Variants in ARHGEF26 observed in about 807,000 individuals in gnomAD.
ARHGEF26 encodes Rho guanine nucleotide exchange factor 26.
In ARHGEF26, 59 loss-of-function variants were observed where a neutral mutation model predicts 89.4. That is an observed-to-expected ratio of 0.66 (90% CI 0.54 to 0.82). ARHGEF26 has a LOEUF of 0.82. ARHGEF26 is among the 40% of genes least tolerant of loss of function. The pLI is 0.00. For synonymous variants in ARHGEF26, 500 were observed against 428.4 expected, an observed-to-expected ratio of 1.17 and a Z score of -2.06; for missense variants, 1,234 against 1,085.6, an observed-to-expected ratio of 1.14 and a Z score of -1.92.
intron 4 of ARHGEF26, among the ~76,000 whole-genome samples, chr3:154,143,917 G>C (rs1213366599): frequency 1.3e-5 from 2 of 152,116 alleles, no homozygotes; most frequent in Non-Finnish European, 2.9e-5. Flanking sequence ...TTGCTCATTT[G>C]GGGGATAGAG....
At chr3:154,253,286 A>G in intron 13 of ARHGEF26, 103 bp downstream of exon 13, 1 of 1,316,608 alleles carries the variant, frequency 7.6e-7, no homozygotes, top group East Asian at 2.4e-5. Flanking sequence ...TACTTGCCTA[A>G]GTTTCCTCCA....
intron 12 of ARHGEF26, among the ~76,000 whole-genome samples, chr3:154,244,841 A>C (rs1345574357): frequency 6.6e-6 from 1 of 152,078 alleles, no homozygotes; most frequent in East Asian, 1.9e-4. Flanking sequence ...ACAGTCTAGC[A>C]GTCTTTCTAG....
intron 12 of ARHGEF26, among the ~76,000 whole-genome samples, chr3:154,250,531 A>T (rs1339873750): frequency 6.6e-6 from 1 of 152,218 alleles, no homozygotes; most frequent in Non-Finnish European, 1.5e-5. Flanking sequence ...GCAGCATGCC[A>T]CAGAAGTGAA....
chr3:154,236,234 CAAGAA>C (rs1717120429), intron 11 of ARHGEF26, among the ~76,000 whole-genome samples: 1 of 152,086 alleles, frequency 6.6e-6, no homozygotes, highest in Non-Finnish European at 1.5e-5. Flanking sequence ...TTGTTAAAAA[CAAGAA>C]AAGAAAGAAA....
rs907098818 is a variant in ARHGEF26, at chr3:154,123,631, A to G, written c.1083+556A>G. On this transcript the variant is annotated intron_variant, in intron 2 of 14. Coordinates refer to ENST00000465093, the MANE Select transcript of ARHGEF26 (RefSeq NM_015595.4). ...ATCAGTTGCCAGGATCACAAAAGAC[A>G]TAAATATTTTGTCATCTTTTTTGTT... is the stretch of plus-strand genomic sequence containing the variant. Among the ~76,000 whole-genome samples, 6 of 152,344 alleles carry G rather than the reference A, an allele frequency of 3.9e-5. No individual in the cohort carries two copies. The East Asian group carries it at 5.8e-4, about 15-fold the overall frequency.
chr3:154,178,901 C>T (rs1713003250), intron 6 of ARHGEF26, among the ~76,000 whole-genome samples: 1 of 152,154 alleles, frequency 6.6e-6, no homozygotes, highest in Admixed American at 6.5e-5. Flanking sequence ...CTTCACCCTG[C>T]TCCCTCCAGG....
At chr3:154,144,140 G>A (rs116061119) in intron 4 of ARHGEF26, among the ~76,000 whole-genome samples, 3,315 of 152,250 alleles carry the variant, frequency 0.022, 100 homozygotes, top group African/African-American at 0.076. Flanking sequence ...TTCAGGGGGA[G>A]CAACTTAATT....
At chr3:154,148,697 A>G (rs1719831632) in intron 4 of ARHGEF26, among the ~76,000 whole-genome samples, 1 of 152,174 alleles carries the variant, frequency 6.6e-6, no homozygotes, top group Admixed American at 6.5e-5. Flanking sequence ...TCATGCAGGA[A>G]ATCCTGTGAA....
intron 6 of ARHGEF26, among the ~76,000 whole-genome samples, chr3:154,163,317 T>C (rs1243252989): frequency 6.6e-6 from 1 of 152,182 alleles, no homozygotes; most frequent in Non-Finnish European, 1.5e-5. Flanking sequence ...GTGGACTTAC[T>C]GTACTACCAT....
intron 9 of ARHGEF26, among the ~76,000 whole-genome samples, chr3:154,216,485 TTTTTTTATTTTTTTTTATTTTTTA>T (rs1404497401): frequency 2.6e-4 from 7 of 26,832 alleles, no homozygotes; most frequent in African/African-American, 3.7e-4. Context: ...CTTGTTTTTT[TTTTTTTATTTTTTTTTATTTTTTA>T]TTTTTTTTTT....
intron 8 of ARHGEF26, among the ~76,000 whole-genome samples, chr3:154,194,412 G>A (rs186509638): frequency 1.1e-4 from 16 of 152,272 alleles, no homozygotes; most frequent in African/African-American, 3.6e-4. Context: ...TGAAACCAGG[G>A]TTACCCACCT....
In ARHGEF26 at chr3:154,181,288, A is replaced by G. The variant is rs555196078; in HGVS notation, c.1488-6397A>G. 3.3e-5 allele frequency among the ~76,000 whole-genome samples: 5 copies of G among 152,294 alleles called. No homozygotes were observed. The East Asian group carries it at 9.6e-4, about 29-fold the overall frequency. On this transcript the variant is annotated intron_variant, in intron 6 of 14. Coordinates refer to ENST00000465093, the MANE Select transcript of ARHGEF26 (RefSeq NM_015595.4). ...GAATATTTCTTTGTTTAGGGAAGAT[A>G]TTTTATTATATAACAACAACTTAGA...
intron 12 of ARHGEF26, among the ~76,000 whole-genome samples, chr3:154,241,475 G>T (rs1044403900): frequency 2.0e-5 from 3 of 152,144 alleles, no homozygotes; most frequent in Admixed American, 6.5e-5. Flanking sequence ...ATCCCAAAGA[G>T]GTATCTTCAC....
chr3:154,220,761 G>A (rs985324987), intron 10 of ARHGEF26, among the ~76,000 whole-genome samples: 2 of 151,988 alleles, frequency 1.3e-5, no homozygotes, highest in African/African-American at 2.4e-5. Flanking sequence ...ATGGGGAAAG[G>A]CTTTTCCAAC....
At chr3:154,165,818 C>G (rs1711984827) in intron 6 of ARHGEF26, among the ~76,000 whole-genome samples, 1 of 152,274 alleles carries the variant, frequency 6.6e-6, no homozygotes, top group South Asian at 2.1e-4. Flanking sequence ...TTATCACCAG[C>G]TCACACTGGA....
chr3:154,152,725 C>CT, intron 5 of ARHGEF26, 47 bp from the exon 6 acceptor site: 9 of 1,341,928 alleles, frequency 6.7e-6, no homozygotes, highest in Non-Finnish European at 7.8e-6. Flanking sequence ...ATATTTAGTT[C>CT]TTTAATTAAA....
At chr3:154,229,548 A>C (rs1203773645) in intron 11 of ARHGEF26, among the ~76,000 whole-genome samples, 5 of 152,222 alleles carry the variant, frequency 3.3e-5, no homozygotes, top group Non-Finnish European at 7.3e-5. Flanking sequence ...CTGCAAGAGC[A>C]GACTTCTCAA....
intron 10 of ARHGEF26, among the ~76,000 whole-genome samples, chr3:154,220,899 A>G (rs1215026849): frequency 6.6e-6 from 1 of 152,194 alleles, no homozygotes; most frequent in Non-Finnish European, 1.5e-5. Context: ...AACTGGAGAA[A>G]AAAATAGTTG....
intron 6 of ARHGEF26, among the ~76,000 whole-genome samples, chr3:154,179,020 A>T (rs540270059): frequency 6.6e-6 from 1 of 152,302 alleles, no homozygotes; most frequent in East Asian, 1.9e-4. Context: ...GGCCCAGGCT[A>T]TGTTTATAAT....
Sources: gnomAD v4.1 joint callset for allele counts (sites outside exome capture counted in the v4.1 genomes callset) on GRCh38, gnomAD v4.1.1 for gene constraint, MANE v1.5 for transcripts, NCBI Gene and HGNC (gene_info 2026-07-23, HGNC 2026-07-21) for gene names.